The following AFF2 variants were observed in gnomAD, a reference collection of about 807,000 sequenced individuals.
AFF2 encodes AF4/FMR2 family member 2.
In AFF2, 14 loss-of-function variants were observed where a neutral mutation model predicts 76.9. The ratio of observed to expected loss-of-function variants is 0.18; its 90% CI spans 0.12 to 0.28. The LOEUF (loss-of-function observed/expected upper bound fraction) is 0.28. Ranked by LOEUF, AFF2 falls within the 10% of genes least tolerant of loss-of-function variation. The probability of loss-of-function intolerance (pLI) is 1.00; values close to 1 mark genes in which losing one functional copy is unlikely to be tolerated. For synonymous variants in AFF2, 398 were observed against 366.7 expected, an observed-to-expected ratio of 1.09 and a Z score of -0.98; for missense variants, 868 against 1,001.1, an observed-to-expected ratio of 0.87 and a Z score of 1.79.
At chrX:148,971,747 C>CTTTTTTTTTTTTTTTTTTT (rs781928514) in intron 15 of AFF2, among the ~76,000 whole-genome samples, 3 of 44,731 alleles carry the variant, frequency 6.7e-5, no homozygotes, top group African/African-American at 2.8e-4. Flanking sequence ...TTTTCTATTT[C>CTTTTTTTTTTTTTTTTTTT]TTTTTTTTTT....
At chrX:148,691,697 G>A (rs55702189) in intron 3 of AFF2, among the ~76,000 whole-genome samples, 7,648 of 111,512 alleles carry the variant, frequency 0.069, 661 homozygotes, top group African/African-American at 0.24. Flanking sequence ...TACAGCTGGA[G>A]TATCAGCTGT....
chrX:148,838,000 T>C (rs1429814293), intron 5 of AFF2, among the ~76,000 whole-genome samples: 1 of 112,082 alleles, frequency 8.9e-6, no homozygotes, highest in Non-Finnish European at 1.9e-5. Context: ...GAGACAGAGA[T>C]TGAATAACTC....
intron 1 of AFF2, among the ~76,000 whole-genome samples, chrX:148,636,631 G>A (rs1557253869): frequency 8.9e-6 from 1 of 112,093 alleles, no homozygotes; most frequent in African/African-American, 3.2e-5. Context: ...ATAAGAGATT[G>A]TTTTATATTA....
At chrX:148,990,628 G>A (rs1391013514) in intron 20 of AFF2, among the ~76,000 whole-genome samples, 2 of 111,792 alleles carry the variant, frequency 1.8e-5, no homozygotes, top group African/African-American at 6.5e-5. Context: ...CCTAGGTCAG[G>A]GGCTGGAAAA....
chrX:148,656,887 G>A (rs1167637563), intron 2 of AFF2, among the ~76,000 whole-genome samples: 2 of 111,502 alleles, frequency 1.8e-5, no homozygotes, highest in Non-Finnish European at 3.8e-5. Flanking sequence ...ATCCAGTTCT[G>A]TATGATTCCG....
intron 3 of AFF2, among the ~76,000 whole-genome samples, chrX:148,708,954 T>G (rs2054923679): frequency 8.9e-6 from 1 of 112,083 alleles, no homozygotes; most frequent in South Asian, 3.7e-4. Flanking sequence ...TAATTTATGT[T>G]AGATTTTGCA....
intron 16 of AFF2, among the ~76,000 whole-genome samples, chrX:148,976,460 A>T (rs1052811274): frequency 1.3e-4 from 14 of 111,859 alleles, no homozygotes; most frequent in African/African-American, 4.6e-4. Flanking sequence ...TGTGTATAAT[A>T]TTTTTTTAAT....
intron 3 of AFF2, among the ~76,000 whole-genome samples, chrX:148,757,718 A>AC (rs1557266990): frequency 8.9e-6 from 1 of 111,934 alleles, no homozygotes; most frequent in East Asian, 2.8e-4. Context: ...CTTCTTTGCC[A>AC]AAATTGAGCA....
At chrX:148,704,580 G>A (rs1047540316) in intron 3 of AFF2, among the ~76,000 whole-genome samples, 1 of 98,941 alleles carries the variant, frequency 1.0e-5, no homozygotes, top group African/African-American at 3.6e-5. Context: ...AGGCTGGAGT[G>A]CAGTGGCACG....
At chrX:148,691,677 T>C (rs950108232) in intron 3 of AFF2, among the ~76,000 whole-genome samples, 1 of 111,486 alleles carries the variant, frequency 9.0e-6, no homozygotes, top group African/African-American at 3.3e-5. Context: ...GTGGACCCAA[T>C]GTAGTTTGGT....
intron 1 of AFF2, among the ~76,000 whole-genome samples, chrX:148,603,684 A>G (rs954171522): frequency 3.6e-5 from 4 of 110,608 alleles, no homozygotes. Flanking sequence ...TTTCTATTTC[A>G]GGAACATTTT....
chrX:148,637,889 T>G (rs1313423321), intron 1 of AFF2, among the ~76,000 whole-genome samples: 2 of 110,984 alleles, frequency 1.8e-5, no homozygotes, highest in Non-Finnish European at 3.8e-5. Context: ...TTTGGATAAC[T>G]GGGGTTTTTT....
intron 1 of AFF2, among the ~76,000 whole-genome samples, chrX:148,565,577 C>T (rs1315980524): frequency 9.0e-6 from 1 of 111,072 alleles, no homozygotes; most frequent in Non-Finnish European, 1.9e-5. Context: ...TACTTATTAG[C>T]TTTTTTCATC....
chrX:148,994,112 C>T lies in AFF2; in HGVS notation c.*2780C>T, dbSNP rs978512515. 2.7e-5 allele frequency: 3 copies of T among 111,005 alleles called. No individual in the cohort carries two copies. The highest frequency in any genetic ancestry group is 3.9e-4 in the South Asian group (1 of 2,565). The allele number at this position is 111,005 out of a possible 1,213,427, so 9.1% of individuals were successfully genotyped here. ...TTGGTGAGACACACTTAAATAAGCA[C>T]GTGGAGGTTAGAATAGAGGGCAGAG... On this transcript the variant is annotated 3_prime_UTR_variant, in exon 21 of 21. Transcript: ENST00000370460.
At chrX:148,650,411 AG>A (rs1254644538) in intron 1 of AFF2, among the ~76,000 whole-genome samples, 1 of 111,776 alleles carries the variant, frequency 8.9e-6, no homozygotes, top group African/African-American at 3.3e-5. Context: ...TGACCAGGCA[AG>A]GCCTAGATAT....
At chrX:148,885,276 A>T (rs2071144101) in intron 7 of AFF2, among the ~76,000 whole-genome samples, 1 of 111,892 alleles carries the variant, frequency 8.9e-6, no homozygotes, top group Admixed American at 9.5e-5. Context: ...TTTCTTATCC[A>T]CATCATGGGC....
At chrX:148,568,421 A>G (rs2053192930) in intron 1 of AFF2, among the ~76,000 whole-genome samples, 1 of 112,167 alleles carries the variant, frequency 8.9e-6, no homozygotes, top group African/African-American at 3.2e-5. Flanking sequence ...TGACAAGTGA[A>G]TGTTGGACAA....
rs935440209 is a variant in AFF2, at chrX:148,712,514, G to A, written c.1041+49746G>A. Among the ~76,000 whole-genome samples, 4 of 111,649 alleles carry A rather than the reference G, an allele frequency of 3.6e-5. No individual in the cohort carries two copies. In the Admixed American group the frequency reaches 3.8e-4, roughly 11 times the overall value. On this transcript the variant is annotated intron_variant, in intron 3 of 20. Coordinates refer to ENST00000370460, the MANE Select transcript of AFF2 (RefSeq NM_002025.4). ...GTTTCTTTGCCTAGACAGCCTCTTT[G>A]GTTTGGAATCCTTCCCTGAAAGATG...
chrX:148,860,608 C>CCT (rs1431297961), intron 7 of AFF2, among the ~76,000 whole-genome samples: 1 of 112,041 alleles, frequency 8.9e-6, no homozygotes, highest in Non-Finnish European at 1.9e-5. Context: ...AGAAGACGCA[C>CCT]CTCCCTGCTT....
Sources: gnomAD v4.1 joint callset for allele counts (sites outside exome capture counted in the v4.1 genomes callset) on GRCh38, gnomAD v4.1.1 for gene constraint, MANE v1.5 for transcripts, NCBI Gene and HGNC (gene_info 2026-07-23, HGNC 2026-07-21) for gene names.